Variants in PCDH15 observed in about 807,000 individuals in gnomAD.
PCDH15 encodes the protein protocadherin related 15.
Under a neutral mutation model 178.5 loss-of-function variants are expected in PCDH15, and 129 were observed. The observed-to-expected ratio is 0.72, with a 90% CI of 0.63 to 0.84. The LOEUF (loss-of-function observed/expected upper bound fraction) is 0.84, where lower values mean the gene tolerates loss of function less well. Ranked by LOEUF, PCDH15 falls within the 40% of genes least tolerant of loss-of-function variation. The probability of loss-of-function intolerance (pLI) is 0.00; values close to 1 mark genes in which losing one functional copy is unlikely to be tolerated. For synonymous variants in PCDH15, 800 were observed against 732.0 expected, an observed-to-expected ratio of 1.09 and a Z score of -1.50; for missense variants, 2,230 against 2,099.9, an observed-to-expected ratio of 1.06 and a Z score of -1.21.
At chr10:54,006,305 G>A (rs1342634349) in intron 20 of PCDH15, among the ~76,000 whole-genome samples, 5 of 152,054 alleles carry the variant, frequency 3.3e-5, no homozygotes, top group East Asian at 1.9e-4. Flanking sequence ...CTGAAAATGC[G>A]GACTAGAAGA....
At chr10:54,397,464 C>A (rs1951388177) in intron 3 of PCDH15, among the ~76,000 whole-genome samples, 1 of 152,076 alleles carries the variant, frequency 6.6e-6, no homozygotes, top group Admixed American at 6.6e-5. Flanking sequence ...AGTTCAATTT[C>A]TATCCACTAT....
chr10:54,761,799 T>C (rs1200923995), intron 1 of PCDH15, among the ~76,000 whole-genome samples: 7 of 151,946 alleles, frequency 4.6e-5, no homozygotes, highest in African/African-American at 1.7e-4. Context: ...GGAAGCATGC[T>C]GGTCAGTCAA....
intron 37 of PCDH15, chr10:53,808,647 C>G (rs774110884): frequency 6.3e-7 from 1 of 1,581,936 alleles, no homozygotes; most frequent in Non-Finnish European, 8.6e-7. Context: ...GCACTGCACA[C>G]GAGAGCACTC....
chr10:54,266,493 C>G (rs1034022619), intron 8 of PCDH15, among the ~76,000 whole-genome samples: 2 of 151,468 alleles, frequency 1.3e-5, no homozygotes, highest in African/African-American at 4.8e-5. Context: ...TTCAAAAATC[C>G]ATACAAAGGA....
intron 2 of PCDH15, among the ~76,000 whole-genome samples, chr10:55,592,740 G>C (rs1041336980): frequency 2.0e-5 from 3 of 152,100 alleles, no homozygotes; most frequent in African/African-American, 7.2e-5. Context: ...GAATTTAGCA[G>C]AGTATTTTTT....
chr10:55,174,332 C>A (rs926680399), intron 1 of PCDH15, among the ~76,000 whole-genome samples: 3 of 152,108 alleles, frequency 2.0e-5, no homozygotes, highest in Non-Finnish European at 1.5e-5. Context: ...AACCAGGCTG[C>A]CAGTTCTGAA....
chr10:54,916,630 T>C (rs1460161283), intron 2 of PCDH15, among the ~76,000 whole-genome samples: 1 of 152,182 alleles, frequency 6.6e-6, no homozygotes, highest in African/African-American at 2.4e-5. Context: ...AGAAGAACTT[T>C]CTTATATTCT....
intron 2 of PCDH15, among the ~76,000 whole-genome samples, chr10:54,910,612 C>T (rs1954800653): frequency 6.6e-6 from 1 of 152,134 alleles, no homozygotes; most frequent in African/African-American, 2.4e-5. Flanking sequence ...CACCTAACTA[C>T]AATGAAAATT....
chr10:55,213,636 A>G (rs1294431377), intron 1 of PCDH15, among the ~76,000 whole-genome samples: 1 of 151,712 alleles, frequency 6.6e-6, no homozygotes, highest in Non-Finnish European at 1.5e-5. Context: ...TTATATTTAT[A>G]TTAAGTCCTC....
intron 2 of PCDH15, among the ~76,000 whole-genome samples, chr10:55,553,239 A>G (rs904775656): frequency 4.0e-5 from 6 of 151,366 alleles, no homozygotes; most frequent in Non-Finnish European, 8.9e-5. Flanking sequence ...ATCCAAATTC[A>G]TGTTATTTTG....
chr10:55,108,155 G>C (rs1160328156), intron 2 of PCDH15, among the ~76,000 whole-genome samples: 1 of 152,112 alleles, frequency 6.6e-6, no homozygotes, highest in African/African-American at 2.4e-5. Flanking sequence ...CTGATACTCT[G>C]ATCTTATGCT....
intron 2 of PCDH15, among the ~76,000 whole-genome samples, chr10:55,118,250 A>C (rs948520744): frequency 2.0e-5 from 3 of 152,152 alleles, no homozygotes; most frequent in Non-Finnish European, 4.4e-5. Context: ...TTCAAAATAC[A>C]AAAAGGTTAA....
chr10:53,839,237 A>G (rs543386470), intron 29 of PCDH15, among the ~76,000 whole-genome samples: 103 of 150,392 alleles, frequency 6.8e-4, no homozygotes, highest in African/African-American at 2.3e-3. Context: ...TTGATGAGTA[A>G]CATGTTAAAT....
At chr10:55,325,345 T>C (rs1354625601) in intron 2 of PCDH15, among the ~76,000 whole-genome samples, 2 of 151,918 alleles carry the variant, frequency 1.3e-5, no homozygotes, top group Non-Finnish European at 2.9e-5. Flanking sequence ...AGTGACCAAA[T>C]AGCATGGTAT....
rs188444996 is a variant in PCDH15 at position 55,516,695 on chromosome 10, T to C, written c.-156+110930A>G. 9.8e-5 allele frequency among the ~76,000 whole-genome samples: 15 copies of C among 152,298 alleles called. No homozygotes were observed. The East Asian group carries it at 2.9e-3, about 29-fold the overall frequency. ...TGGCGAGAAGAAGGATCATAGGTAA[T>C]AAGTTCTTTTATATGAATATTTGAC... On this transcript the variant is annotated intron_variant, in intron 2 of 5. Transcript: ENST00000613346.
In PCDH15 at chr10:55,000,569, C is replaced by T. The variant is rs148465462; in HGVS notation, c.-79-103069G>A. On this transcript the variant is annotated intron_variant, in intron 2 of 5. Transcript: ENST00000458638. ...CGTCCTCCTCAGCTTATGAAAATGACGGGATTAAGAGACTAAAGTAAAGAC... is the reference window on the plus strand; with the variant it reads ...CGTCCTCCTCAGCTTATGAAAATGATGGGATTAAGAGACTAAAGTAAAGAC... Among the ~76,000 whole-genome samples, 300 of 152,050 alleles carry T rather than the reference C, an allele frequency of 2.0e-3. 2 individuals carry two copies. The East Asian group carries it at 0.024, about 12-fold the overall frequency.
At chr10:53,822,166 G>T (rs2076315454) in intron 32 of PCDH15, 1 of 1,613,896 alleles carries the variant, frequency 6.2e-7, no homozygotes, top group Non-Finnish European at 8.5e-7. Flanking sequence ...TTCTCGGCAG[G>T]CATCAAGTTG....
intron 20 of PCDH15, among the ~76,000 whole-genome samples, chr10:54,003,658 C>G: frequency 6.9e-6 from 1 of 143,932 alleles, no homozygotes. Context: ...AAAGGAAAAG[C>G]CAGAACCTGA....
chr10:55,097,902 C>T (rs1211559577), intron 2 of PCDH15, among the ~76,000 whole-genome samples: 1 of 152,014 alleles, frequency 6.6e-6, no homozygotes, highest in African/African-American at 2.4e-5. Context: ...TTCTTGGTAA[C>T]AAGTGTATTT....
Sources: allele counts gnomAD v4.1 joint callset (sites outside exome capture counted in the v4.1 genomes callset), GRCh38; gene constraint gnomAD v4.1.1; transcripts MANE v1.5; gene names NCBI Gene and HGNC (gene_info 2026-07-23, HGNC 2026-07-21).